The following GRIN2A variants were observed in gnomAD, a reference collection of about 807,000 sequenced individuals.
GRIN2A encodes glutamate ionotropic receptor NMDA type subunit 2A.
A neutral mutation model predicts 113.4 loss-of-function variants in GRIN2A; 22 were observed. That is an observed-to-expected ratio of 0.19 (90% CI 0.14 to 0.28). The LOEUF (loss-of-function observed/expected upper bound fraction) is 0.28, where lower values mean the gene tolerates loss of function less well. Ranked by LOEUF, GRIN2A falls within the 10% of genes least tolerant of loss-of-function variation. GRIN2A has a pLI of 1.00. For missense variants in GRIN2A, 1,502 were observed against 1,887.0 expected (o/e 0.80, Z 3.78); for synonymous variants, 827 against 738.4 (o/e 1.12, Z -1.94).
chr16:9,967,457 G>A (rs146166353), intron 2 of GRIN2A, among the ~76,000 whole-genome samples: 93 of 152,320 alleles, frequency 6.1e-4, no homozygotes, highest in African/African-American at 2.1e-3. Context: ...TGTAATCCCC[G>A]CACTTTGGGA....
chr16:10,133,607 CA>C (rs1305973197), intron 2 of GRIN2A, among the ~76,000 whole-genome samples: 1 of 151,318 alleles, frequency 6.6e-6, no homozygotes, highest in Non-Finnish European at 1.5e-5. Flanking sequence ...GATTCAGTCT[CA>C]AAAAAAATAA....
intron 3 of GRIN2A, among the ~76,000 whole-genome samples, chr16:9,915,581 T>C (rs1406618127): frequency 6.6e-6 from 1 of 152,134 alleles, no homozygotes; most frequent in African/African-American, 2.4e-5. Flanking sequence ...TTTTAACCAA[T>C]GGTAAGAGAT....
At chr16:9,776,675 A>G (rs1033775584) in intron 11 of GRIN2A, among the ~76,000 whole-genome samples, 12 of 152,272 alleles carry the variant, frequency 7.9e-5, no homozygotes, top group African/African-American at 1.9e-4. Flanking sequence ...GAAAGACGTC[A>G]GAAGGTTGTT....
rs1318989676 is a variant in GRIN2A at position 9,760,467 on chromosome 16, T to C, written c.*2682A>G. ...GGGATACCATAAACTTTGTGTAGCA[T>C]AACATTTCTGATTATTTATTTGAAA... On this transcript the variant is annotated 3_prime_UTR_variant, in exon 13 of 13. Coordinates refer to ENST00000330684, the MANE Select transcript of GRIN2A (RefSeq NM_001134407.3). 1 of 190,820 alleles carries C rather than the reference T, an allele frequency of 5.2e-6. No individual in the cohort carries two copies. Among genetic ancestry groups the C allele is most frequent in the Admixed American group, 6.8e-5 (1 of 14,662 alleles). 11.8% of individuals were successfully genotyped at this position (190,820 alleles called of 1,614,324 possible). A position where few individuals can be genotyped will look rare whatever the true frequency, so the allele number is the denominator to read the frequency against.
chr16:9,880,321 T>C (rs1010838648), intron 4 of GRIN2A, among the ~76,000 whole-genome samples: 3 of 152,206 alleles, frequency 2.0e-5, no homozygotes, highest in African/African-American at 7.2e-5. Context: ...CTAAGCATTC[T>C]CACACTCCAA....
chr16:10,051,635 C>T (rs1422008527), intron 2 of GRIN2A, among the ~76,000 whole-genome samples: 1 of 152,118 alleles, frequency 6.6e-6, no homozygotes, highest in Non-Finnish European at 1.5e-5. Context: ...TTGAATATTG[C>T]CGAATTCACA....
At chr16:9,880,103 T>C (rs1180842897) in intron 4 of GRIN2A, among the ~76,000 whole-genome samples, 1 of 152,034 alleles carries the variant, frequency 6.6e-6, no homozygotes, top group Non-Finnish European at 1.5e-5. Flanking sequence ...TTGCTCAGGG[T>C]GTCACAAGGC....
At chr16:9,876,975 C>T (rs2043380055) in intron 4 of GRIN2A, among the ~76,000 whole-genome samples, 1 of 152,078 alleles carries the variant, frequency 6.6e-6, no homozygotes, top group Non-Finnish European at 1.5e-5. Flanking sequence ...CCCCAACTTC[C>T]ACTCAACTTC....
chr16:9,949,611 G>T (rs1038600774), intron 2 of GRIN2A, among the ~76,000 whole-genome samples: 5 of 151,888 alleles, frequency 3.3e-5, no homozygotes, highest in Admixed American at 6.6e-5. Context: ...TGGATGGGTA[G>T]ACGGGTGGGT....
chr16:10,061,327 G>C (rs1181812595), intron 2 of GRIN2A, among the ~76,000 whole-genome samples: 1 of 152,100 alleles, frequency 6.6e-6, no homozygotes, highest in African/African-American at 2.4e-5. Flanking sequence ...CCTACCTCCA[G>C]GCTGCTTTAA....
At chr16:10,023,682 G>T (rs1409471181) in intron 2 of GRIN2A, among the ~76,000 whole-genome samples, 1 of 152,186 alleles carries the variant, frequency 6.6e-6, no homozygotes, top group Admixed American at 6.5e-5. Context: ...AGTTTTCAGT[G>T]CGTGTCGCTA....
chr16:10,000,460 A>C (rs1253915507), intron 2 of GRIN2A, among the ~76,000 whole-genome samples: 3 of 152,122 alleles, frequency 2.0e-5, no homozygotes, highest in Admixed American at 6.5e-5. Flanking sequence ...AATTCCTCTA[A>C]AATTACTTAA....
intron 3 of GRIN2A, among the ~76,000 whole-genome samples, chr16:9,900,919 C>A (rs2043908996): frequency 6.6e-6 from 1 of 152,190 alleles, no homozygotes; most frequent in African/African-American, 2.4e-5. Context: ...TCCAAGTTCA[C>A]TCAATCACCT....
intron 2 of GRIN2A, among the ~76,000 whole-genome samples, chr16:10,167,094 C>G (rs34514934): frequency 0.3 from 44,739 of 150,596 alleles, 6,893 homozygotes; most frequent in African/African-American, 0.32. Context: ...GTTAATGCAA[C>G]TAGCGCCTGC....
At chr16:9,891,655 G>A (rs899416988) in intron 3 of GRIN2A, among the ~76,000 whole-genome samples, 33 of 152,150 alleles carry the variant, frequency 2.2e-4, no homozygotes, top group South Asian at 2.1e-4. Context: ...CAAGGGACGG[G>A]AGAGTATGCT....
At chr16:10,098,133 A>G (rs2048327968) in intron 2 of GRIN2A, among the ~76,000 whole-genome samples, 1 of 152,212 alleles carries the variant, frequency 6.6e-6, no homozygotes, top group Non-Finnish European at 1.5e-5. Flanking sequence ...AGCCCAAACA[A>G]AAGTGGGCTA....
At position 9,778,459 on chromosome 16, in the gene GRIN2A, C is replaced by T. The variant is rs1177120475; in HGVS notation, c.2357-9370G>A. 6.6e-5 allele frequency among the ~76,000 whole-genome samples: 10 copies of T among 152,188 alleles called. No homozygotes were observed. The East Asian group carries it at 1.9e-3, about 29-fold the overall frequency. On this transcript the variant is annotated intron_variant, in intron 11 of 12. Coordinates refer to ENST00000330684, the MANE Select transcript of GRIN2A (RefSeq NM_001134407.3). ...ATCAATAGTCCTCAAAATCTGATGA[C>T]TTATCATGGGAAGGTTATGAGGACT...
rs573644280 is a variant in GRIN2A, at chr16:10,082,321, T to A, written c.414+97677A>T. 6.6e-5 allele frequency among the ~76,000 whole-genome samples: 10 copies of A among 152,360 alleles called. No homozygotes were observed. In the South Asian group the frequency reaches 1.9e-3, roughly 28 times the overall value. ...CTAAGATGTTCCCAAAGTGATAGTC[T>A]TAATCCACAGGAAGAATATTTGGTT... On this transcript the variant is annotated intron_variant, in intron 2 of 12. Coordinates refer to ENST00000330684, the MANE Select transcript of GRIN2A (RefSeq NM_001134407.3).
chr16:9,848,276 C>T (rs1174635191), intron 5 of GRIN2A, among the ~76,000 whole-genome samples: 1 of 150,842 alleles, frequency 6.6e-6, no homozygotes, highest in East Asian at 1.9e-4. Flanking sequence ...AGTGTAGTGG[C>T]TCGATCTCGA....
Sources: gnomAD v4.1 joint callset for allele counts (sites outside exome capture counted in the v4.1 genomes callset) on GRCh38, gnomAD v4.1.1 for gene constraint, MANE v1.5 for transcripts, NCBI Gene and HGNC (gene_info 2026-07-23, HGNC 2026-07-21) for gene names.